Variants in OR7A10 observed in about 807,000 individuals in gnomAD.
The protein encoded by OR7A10 is olfactory receptor 7A10.
For synonymous variants in OR7A10, 144 were observed against 144.5 expected, an observed-to-expected ratio of 1.00 and a Z score of 0.02; for missense variants, 358 against 370.1, an observed-to-expected ratio of 0.97 and a Z score of 0.27.
intron 1 of OR7A10, among the ~76,000 whole-genome samples, chr19:14,844,781 G>A (rs2044933277): frequency 6.7e-6 from 1 of 149,606 alleles, no homozygotes; most frequent in South Asian, 2.1e-4. Context: ...TCCTGCCTCA[G>A]CCCCCTGAGT....
intron 1 of OR7A10, among the ~76,000 whole-genome samples, chr19:14,845,807 T>C (rs545453211): frequency 6.6e-6 from 1 of 152,238 alleles, no homozygotes; most frequent in Non-Finnish European, 1.5e-5. Flanking sequence ...TGCTGACCTT[T>C]ACAGGGTGAA....
Position 14,848,634 on chromosome 19 carries a change from G to A in OR7A10, c.-147C>T, listed in dbSNP as rs1264377235. 6.6e-6 allele frequency: 1 copy of A among 152,290 alleles called. No individual in the cohort carries two copies. Among genetic ancestry groups the A allele is most frequent in the Non-Finnish European group, 1.5e-5 (1 of 68,088 alleles). The allele number at this position is 152,290 out of a possible 1,614,324, so 9.4% of individuals were successfully genotyped here. ...GGAAAGAATCAGTACCCCTGAGCCA[G>A]CAGATATAGACTCCGAAAGAAACAA... On this transcript the variant is annotated 5_prime_UTR_variant, in exon 1 of 2. Transcript: ENST00000641129.
In OR7A10 at chr19:14,840,610, C is replaced by A; in HGVS notation, c.*338G>T. 5.2e-6 allele frequency: 1 copy of A among 192,542 alleles called. No individual in the cohort carries two copies. Among genetic ancestry groups the A allele is most frequent in the Non-Finnish European group, 1.1e-5 (1 of 93,312 alleles). The allele number at this position is 192,542 out of a possible 1,614,324, so 11.9% of individuals were successfully genotyped here. On this transcript the variant is annotated 3_prime_UTR_variant, in exon 2 of 2. Transcript: ENST00000641129. ...GAGTGATGCAAGGACATTACATACA[C>A]CATGGCACTCAATCCTTCACTCAGA...
chr19:14,847,086 A>G (rs1037170091), intron 1 of OR7A10, among the ~76,000 whole-genome samples: 2 of 152,248 alleles, frequency 1.3e-5, no homozygotes, highest in South Asian at 4.1e-4. Flanking sequence ...AAAAGTACAT[A>G]TAAGAACATT....
chr19:14,845,070 A>AAC (rs200527978), intron 1 of OR7A10, among the ~76,000 whole-genome samples: 6,984 of 141,470 alleles, frequency 0.049, 183 homozygotes, highest in South Asian at 0.08. Flanking sequence ...CACACACACA[A>AAC]ACACACACAC....
intron 1 of OR7A10, among the ~76,000 whole-genome samples, chr19:14,845,743 C>T (rs1353271421): frequency 6.6e-6 from 1 of 152,182 alleles, no homozygotes. Context: ...AATCTCAGCA[C>T]TACTTAAATT....
In OR7A10 at chr19:14,848,816, A is replaced by T. The variant is rs2044956102; in HGVS notation, c.-329T>A. On this transcript the variant is annotated 5_prime_UTR_variant, in exon 1 of 2. Coordinates refer to ENST00000641129, the MANE Select transcript of OR7A10 (RefSeq NM_001005190.2). The stretch of plus-strand genomic sequence containing the variant: ...GGGACATTGCTCTTCATGGAAAGAA[A>T]TTTTTTTCTTGCATACTCAGTTCCC... 1 of 152,076 alleles carries T rather than the reference A, an allele frequency of 6.6e-6. No individual in the cohort carries two copies. Among genetic ancestry groups the T allele is most frequent in the South Asian group, 2.1e-4 (1 of 4,826 alleles). 9.4% of individuals were successfully genotyped at this position (152,076 alleles called of 1,614,324 possible).
chr19:14,841,399 C>T lies in OR7A10; in HGVS notation c.479G>A (p.Ser160Asn). Residue 160 changes from serine (S) to asparagine (N), a missense_variant, in exon 2 of 2, where the codon AGC becomes AAC. Transcript: ENST00000641129. ...IMSVLNSMLQ[S>N]LMVLPLPFCT... is the part of the protein sequence containing the mutation. ...AAAGGGCAGTGGCAACACCATTAAG[C>T]TTTGTAACATGGAATTCAGAACACT... The T allele has an allele frequency of 6.2e-7, 1 of 1,614,086 alleles. No homozygotes were observed. The highest frequency in any genetic ancestry group is 8.5e-7 in the Non-Finnish European group (1 of 1,180,026).
Position 14,841,569 on chromosome 19 carries a change from A to G in OR7A10, c.309T>C (p.Phe103=). The change falls in exon 2 of 2, where the codon TTT becomes TTC. Residue 103 remains phenylalanine, a synonymous_variant. Transcript: ENST00000641129. ...TATCCAATCCTACAAAGAGTAAGAA[A>G]AAGCACATCTGGGTGATGCAGCCTG... The part of the protein sequence containing the change: ...TYAGCITQMC[F]FLLFVGLDNF... The G allele has an allele frequency of 1.2e-6, 2 of 1,614,226 alleles. No homozygotes were observed. The highest frequency in any genetic ancestry group is 1.7e-6 in the Non-Finnish European group (2 of 1,180,048).
chr19:14,841,860 A>G lies in OR7A10; in HGVS notation c.18T>C (p.Asn6=). The change falls in exon 2 of 2, where the codon AAT becomes AAC. Residue 6 remains asparagine, a synonymous_variant. Transcript: ENST00000641129. ...GGAGAAGAAATTCTAAAATTATTGTATTGTTCCATGATTTCATCTTGTGAT... is the reference window on the plus strand; with the variant it reads ...GGAGAAGAAATTCTAAAATTATTGTGTTGTTCCATGATTTCATCTTGTGAT... MKSWN[N]TIILEFLLLG... The G allele has an allele frequency of 3.8e-6, 6 of 1,596,546 alleles. No homozygotes were observed. The highest frequency in any genetic ancestry group is 1.1e-5 in the South Asian group (1 of 89,978).
intron 1 of OR7A10, among the ~76,000 whole-genome samples, chr19:14,842,808 A>G (rs917406740): frequency 1.3e-5 from 2 of 152,152 alleles, no homozygotes; most frequent in Non-Finnish European, 2.9e-5. Flanking sequence ...GTAATTGTGA[A>G]TAGTGCTGTG....
chr19:14,845,705 A>C (rs1212141571), intron 1 of OR7A10, among the ~76,000 whole-genome samples: 1 of 152,176 alleles, frequency 6.6e-6, no homozygotes, highest in African/African-American at 2.4e-5. Flanking sequence ...AATACTAAAA[A>C]TACAGATATT....
chr19:14,844,664 G>GTTTTTTTTTGTTTTTTTTT lies in OR7A10; in HGVS notation c.-12-2776_-12-2775insAAAAAAAAACAAAAAAAAA, dbSNP rs1555697162. 2.0e-5 allele frequency among the ~76,000 whole-genome samples: 2 copies of GTTTTTTTTTGTTTTTTTTT among 97,660 alleles called. 1 individual carries two copies. The highest frequency in any genetic ancestry group is 7.9e-5 in the African/African-American group (2 of 25,290). 64.1% of individuals were successfully genotyped at this position (97,660 alleles called of 152,430 possible). ...TTTTCACTGTTGCCTTGAGTTCTGTGTTTTTTTTTTTTTTTTGAGATGGAG... is the reference window on the plus strand; with the variant it reads ...TTTTCACTGTTGCCTTGAGTTCTGTGTTTTTTTTTGTTTTTTTTTTTTTTTTTTTTTTTTTGAGATGGAG... On this transcript the variant is annotated intron_variant, in intron 1 of 1. Coordinates refer to ENST00000641129, the MANE Select transcript of OR7A10 (RefSeq NM_001005190.2).
Position 14,840,714 on chromosome 19 carries a change from C to T in OR7A10, c.*234G>A, listed in dbSNP as rs2044905447. 2.6e-6 allele frequency: 1 copy of T among 389,920 alleles called. No individual in the cohort carries two copies. The highest frequency in any genetic ancestry group is 4.3e-5 in the East Asian group (1 of 23,056). 24.2% of individuals were successfully genotyped at this position (389,920 alleles called of 1,614,324 possible). A position where few individuals can be genotyped will look rare whatever the true frequency, so the allele number is the denominator to read the frequency against. On this transcript the variant is annotated 3_prime_UTR_variant, in exon 2 of 2. Coordinates refer to ENST00000641129, the MANE Select transcript of OR7A10 (RefSeq NM_001005190.2). ...TGTACCCCAACGAAAACAAATATTC[C>T]ATAGTTATTTCATGTATGATTGAAA...
chr19:14,844,087 C>T (rs1209118604), intron 1 of OR7A10, among the ~76,000 whole-genome samples: 1 of 152,122 alleles, frequency 6.6e-6, no homozygotes, highest in Admixed American at 6.6e-5. Flanking sequence ...ATTTAAAAAA[C>T]CCCTCCAGAA....
At position 14,840,644 on chromosome 19, in the gene OR7A10, C is replaced by T; in HGVS notation, c.*304G>A. Reference sequence around the variant, plus strand: ...TCAATCCTTCACTCAGATGAACAAACCTAGTGACGCGTGGACACCAGGCTC... The same window carrying T: ...TCAATCCTTCACTCAGATGAACAAATCTAGTGACGCGTGGACACCAGGCTC... On this transcript the variant is annotated 3_prime_UTR_variant, in exon 2 of 2. Coordinates refer to ENST00000641129, the MANE Select transcript of OR7A10 (RefSeq NM_001005190.2). 4.7e-6 allele frequency: 1 copy of T among 214,784 alleles called. No homozygotes were observed. Among genetic ancestry groups the T allele is most frequent in the Non-Finnish European group, 9.3e-6 (1 of 107,672 alleles). The allele number at this position is 214,784 out of a possible 1,614,324, so 13.3% of individuals were successfully genotyped here. A position where few individuals can be genotyped will look rare whatever the true frequency, so the allele number is the denominator to read the frequency against.
At chr19:14,845,215 C>T (rs1030239175) in intron 1 of OR7A10, among the ~76,000 whole-genome samples, 19 of 152,128 alleles carry the variant, frequency 1.2e-4, no homozygotes, top group South Asian at 4.2e-4. Context: ...TGGCTCACGC[C>T]TGTAATCCCA....
At chr19:14,845,225 A>G (rs1027573333) in intron 1 of OR7A10, among the ~76,000 whole-genome samples, 1 of 151,990 alleles carries the variant, frequency 6.6e-6, no homozygotes, top group Non-Finnish European at 1.5e-5. Flanking sequence ...CTGTAATCCC[A>G]GCACTTTGGG....
chr19:14,844,437 A>T (rs537779833), intron 1 of OR7A10, among the ~76,000 whole-genome samples: 1 of 152,280 alleles, frequency 6.6e-6, no homozygotes, highest in East Asian at 1.9e-4. Flanking sequence ...TTCAAGGCTA[A>T]CAAGGAATCC....
Sources: gnomAD v4.1 joint callset for allele counts (sites outside exome capture counted in the v4.1 genomes callset) on GRCh38, gnomAD v4.1.1 for gene constraint, MANE v1.5 for transcripts, NCBI Gene and HGNC (gene_info 2026-07-23, HGNC 2026-07-21) for gene names.